KLHL6: variants seen among roughly 807,000 people sequenced by gnomAD.
The protein encoded by KLHL6 is kelch like family member 6.
In KLHL6, 41 loss-of-function variants were observed where a neutral mutation model predicts 58.6. That is an observed-to-expected ratio of 0.70 (90% CI 0.55 to 0.91). The LOEUF (loss-of-function observed/expected upper bound fraction) is 0.91. Ranked by LOEUF, KLHL6 falls within the 40% of genes least tolerant of loss-of-function variation. KLHL6 has a pLI of 0.00. For synonymous variants in KLHL6, 338 were observed against 322.7 expected (o/e 1.05, Z -0.51); for missense variants, 714 against 805.6 (o/e 0.89, Z 1.38).
intron 2 of KLHL6, among the ~76,000 whole-genome samples, chr3:183,522,072 T>C (rs1217792730): frequency 6.8e-6 from 1 of 146,238 alleles, no homozygotes; most frequent in Non-Finnish European, 1.5e-5. Context: ...AGGCCTGTAA[T>C]CCCAGCACTT....
At chr3:183,522,371 T>G (rs1711797091) in intron 2 of KLHL6, 1 of 152,188 alleles carries the variant, frequency 6.6e-6, no homozygotes, top group South Asian at 2.1e-4. Context: ...CCACTGTGGC[T>G]GTCATGTGGA....
intron 2 of KLHL6, among the ~76,000 whole-genome samples, chr3:183,510,615 C>T (rs1168197643): frequency 2.6e-5 from 4 of 152,150 alleles, no homozygotes; most frequent in African/African-American, 9.7e-5. Flanking sequence ...TGGCTCACGC[C>T]TGTAATCCCA....
intron 1 of KLHL6, among the ~76,000 whole-genome samples, chr3:183,532,225 C>T (rs1217169797): frequency 6.6e-6 from 1 of 152,180 alleles, no homozygotes; most frequent in Non-Finnish European, 1.5e-5. Flanking sequence ...ACACCCACCT[C>T]ACCACTCCTG....
At chr3:183,549,374 G>C (rs1371245491) in intron 1 of KLHL6, among the ~76,000 whole-genome samples, 1 of 152,144 alleles carries the variant, frequency 6.6e-6, no homozygotes, top group Non-Finnish European at 1.5e-5. Flanking sequence ...CAATATTGTG[G>C]ATCAGAACCA....
Position 183,508,394 on chromosome 3 carries a change from GCTT to G in KLHL6, c.571_573del (p.Lys191del). On this transcript the variant is annotated inframe_deletion, in exon 3 of 7. Transcript: ENST00000341319. ...TTTTGAATGATGTAACTCTGAACCT[GCTT>G]CTTTAGACTGTCCAGCGAGTGTGTG... The G allele has an allele frequency of 6.2e-7, 1 of 1,614,214 alleles. No individual in the cohort carries two copies. The highest frequency in any genetic ancestry group is 8.5e-7 in the Non-Finnish European group (1 of 1,180,022).
intron 2 of KLHL6, among the ~76,000 whole-genome samples, chr3:183,516,724 G>T (rs906020405): frequency 6.6e-6 from 1 of 152,224 alleles, no homozygotes; most frequent in South Asian, 2.1e-4. Flanking sequence ...AATCACTGAA[G>T]TCCTATTTTA....
intron 2 of KLHL6, among the ~76,000 whole-genome samples, chr3:183,516,017 C>T (rs1203988458): frequency 1.3e-5 from 2 of 152,156 alleles, no homozygotes; most frequent in South Asian, 2.1e-4. Context: ...ATTCAAAGAG[C>T]GATGCAAGTT....
chr3:183,516,536 T>C (rs1711569557), intron 2 of KLHL6, among the ~76,000 whole-genome samples: 1 of 152,232 alleles, frequency 6.6e-6, no homozygotes, highest in Non-Finnish European at 1.5e-5. Context: ...AGAAACCACT[T>C]GAGACGTGGC....
intron 4 of KLHL6, among the ~76,000 whole-genome samples, chr3:183,496,342 A>C (rs938133676): frequency 6.6e-6 from 1 of 152,214 alleles, no homozygotes; most frequent in Non-Finnish European, 1.5e-5. Flanking sequence ...TAATAATAAA[A>C]ATCGTTAGCA....
At chr3:183,511,496 C>A (rs1214169443) in intron 2 of KLHL6, among the ~76,000 whole-genome samples, 4 of 152,200 alleles carry the variant, frequency 2.6e-5, no homozygotes, top group African/African-American at 9.7e-5. Context: ...TCAGCACAGA[C>A]CCTTCACGGG....
At chr3:183,494,352 A>C (rs1717659440) in intron 4 of KLHL6, 71 bp from the exon 5 acceptor site, 1 of 1,345,488 alleles carries the variant, frequency 7.4e-7, no homozygotes, top group Non-Finnish European at 1.1e-6. Context: ...ATAATATCCC[A>C]CATGTCCAAA....
At chr3:183,533,117 C>T (rs1375313844) in intron 1 of KLHL6, among the ~76,000 whole-genome samples, 1 of 152,140 alleles carries the variant, frequency 6.6e-6, no homozygotes, top group Non-Finnish European at 1.5e-5. Flanking sequence ...AATGCAAAGG[C>T]CCTGGGTGGA....
chr3:183,553,303 G>A (rs1254718209), intron 1 of KLHL6, among the ~76,000 whole-genome samples: 2 of 152,108 alleles, frequency 1.3e-5, no homozygotes, highest in Non-Finnish European at 2.9e-5. Flanking sequence ...TAAGTATCCT[G>A]GATCAGCAGG....
chr3:183,509,164 A>C (rs1718108535), intron 2 of KLHL6, among the ~76,000 whole-genome samples: 1 of 152,200 alleles, frequency 6.6e-6, no homozygotes, highest in Non-Finnish European at 1.5e-5. Flanking sequence ...ACATTGACCA[A>C]TTGCAAAGTA....
In KLHL6 at chr3:183,489,123, C is replaced by T. The variant is rs532317141; in HGVS notation, c.*2804G>A. On this transcript the variant is annotated 3_prime_UTR_variant, in exon 7 of 7. Transcript: ENST00000341319. ...ACCTGCTGATGGGCTCGAAGTTTGC[C>T]TATGGGTCTTATCAAAGGACCGCCA... 1.3e-5 allele frequency: 2 copies of T among 152,298 alleles called. No individual in the cohort carries two copies. Among genetic ancestry groups the T allele is most frequent in the South Asian group, 4.1e-4 (2 of 4,828 alleles). 9.4% of individuals were successfully genotyped at this position (152,298 alleles called of 1,614,324 possible).
At chr3:183,531,499 G>A (rs973025110) in intron 1 of KLHL6, among the ~76,000 whole-genome samples, 1 of 140,722 alleles carries the variant, frequency 7.1e-6, no homozygotes, top group South Asian at 2.2e-4. Flanking sequence ...TCCCAGGCTG[G>A]AGTGCAGTGG....
At position 183,534,104 on chromosome 3, in the gene KLHL6, TAAAA is replaced by T. The variant is rs1232608776; in HGVS notation, c.294-6098_294-6095del. 9.4e-4 allele frequency among the ~76,000 whole-genome samples: 122 copies of T among 129,908 alleles called. 1 individual carries two copies. The highest frequency in any genetic ancestry group is 4.0e-3 in the African/African-American group (114 of 28,468). The allele number at this position is 129,908 out of a possible 152,430, so 85.2% of individuals were successfully genotyped here. On this transcript the variant is annotated intron_variant, in intron 1 of 6. Transcript: ENST00000341319. ...AAAGTACTTTACTTTTAAAGTACTT[TAAAA>T]GTACTTTACTTTTAAAGTACTTTGT...
chr3:183,493,977 T>C, intron 5 of KLHL6, 102 bp downstream of exon 5: 2 of 1,032,788 alleles, frequency 1.9e-6, no homozygotes, highest in Non-Finnish European at 3.0e-6. Flanking sequence ...GGAAGTAAAG[T>C]GATCAGAAAG....
Position 183,492,778 on chromosome 3 carries a change from T to TACAGGA in KLHL6, c.1351-77_1351-72dup, listed in dbSNP as rs1214594177. On this transcript the variant is annotated intron_variant, in intron 5 of 6. Transcript: ENST00000341319. The surrounding 1 kb of genome is among the most constrained non-coding windows in gnomAD (Gnocchi z 5.9). ...CAGATTGCTGCAGTAGCTCCCAGGATACAGGACAGAGCTCCGGGACACAGA... is the reference window on the plus strand; with the variant it reads ...CAGATTGCTGCAGTAGCTCCCAGGATACAGGAACAGGACAGAGCTCCGGGACACAGA... 86 of 1,429,688 alleles carry TACAGGA rather than the reference T, an allele frequency of 6.0e-5. No individual in the cohort carries two copies. The African/African-American group carries it at 1.1e-3, about 18-fold the overall frequency. The allele number at this position is 1,429,688 out of a possible 1,614,324, so 88.6% of individuals were successfully genotyped here.
Sources: allele counts gnomAD v4.1 joint callset (sites outside exome capture counted in the v4.1 genomes callset), GRCh38; gene constraint gnomAD v4.1.1; non-coding constraint Gnocchi (gnomAD v3.1); transcripts MANE v1.5; gene names NCBI Gene and HGNC (gene_info 2026-07-23, HGNC 2026-07-21).